Variants in MACROD2 observed in about 807,000 individuals in gnomAD.
The protein encoded by MACROD2 is mono-ADP ribosylhydrolase 2.
MACROD2 carries 36 observed loss-of-function variants against 70.4 expected under a neutral mutation model. The ratio of observed to expected loss-of-function variants is 0.51; its 90% CI spans 0.39 to 0.68. The LOEUF (loss-of-function observed/expected upper bound fraction) is 0.68, where lower values mean the gene tolerates loss of function less well. Among genes scored for constraint, MACROD2 ranks in the 30% least tolerant of loss-of-function variants. MACROD2 has a pLI of 0.00. For missense variants in MACROD2, 496 were observed against 538.4 expected (o/e 0.92, Z 0.78); for synonymous variants, 172 against 178.8 (o/e 0.96, Z 0.30).
At chr20:15,591,553 G>A (rs461651) in intron 8 of MACROD2, among the ~76,000 whole-genome samples, 89,467 of 139,374 alleles carry the variant, frequency 0.64, 28,642 homozygotes, top group Admixed American at 0.77. Flanking sequence ...GCCAACTTAC[G>A]GTTTAACTCC....
chr20:15,705,726 C>T (rs1297427039), intron 8 of MACROD2, among the ~76,000 whole-genome samples: 1 of 152,166 alleles, frequency 6.6e-6, no homozygotes, highest in Non-Finnish European at 1.5e-5. Context: ...TCTTTTACAA[C>T]ATGTAATTTG....
At chr20:14,759,632 GA>G (rs753054659) in intron 5 of MACROD2, among the ~76,000 whole-genome samples, 2 of 151,980 alleles carry the variant, frequency 1.3e-5, no homozygotes, top group Non-Finnish European at 2.9e-5. Context: ...ACAAATTACA[GA>G]AAATATTATT....
At chr20:14,401,235 A>G (rs568476444) in intron 3 of MACROD2, among the ~76,000 whole-genome samples, 3 of 152,256 alleles carry the variant, frequency 2.0e-5, no homozygotes, top group Admixed American at 6.5e-5. Context: ...TGTGTTTGCT[A>G]TTGTGAATAG....
At chr20:16,045,537 G>T (rs1423970011) in intron 17 of MACROD2, among the ~76,000 whole-genome samples, 1 of 152,062 alleles carries the variant, frequency 6.6e-6, no homozygotes, top group Non-Finnish European at 1.5e-5. Context: ...ACAGAGAGGT[G>T]GTTGAGATCA....
chr20:14,131,660 C>T (rs1004906015), intron 3 of MACROD2, among the ~76,000 whole-genome samples: 1 of 152,112 alleles, frequency 6.6e-6, no homozygotes, highest in Non-Finnish European at 1.5e-5. Context: ...AAAATTACTT[C>T]TTAGCATTTG....
chr20:14,612,560 T>C (rs1021316438), intron 4 of MACROD2, among the ~76,000 whole-genome samples: 7 of 152,226 alleles, frequency 4.6e-5, no homozygotes, highest in African/African-American at 1.7e-4. Flanking sequence ...GCATGCAGTA[T>C]AAAAATAAGA....
At chr20:14,524,988 GC>G (rs1350072779) in intron 4 of MACROD2, among the ~76,000 whole-genome samples, 1 of 152,122 alleles carries the variant, frequency 6.6e-6, no homozygotes, top group Non-Finnish European at 1.5e-5. Context: ...GTTAGGAAGA[GC>G]CCCCATTTTC....
At chr20:15,995,027 A>C (rs1028756906) in intron 15 of MACROD2, among the ~76,000 whole-genome samples, 1 of 152,166 alleles carries the variant, frequency 6.6e-6, no homozygotes, top group African/African-American at 2.4e-5. Flanking sequence ...TGGAAACTTG[A>C]TTACAAGTGA....
At chr20:14,281,807 T>A (rs548932600) in intron 3 of MACROD2, among the ~76,000 whole-genome samples, 4 of 151,556 alleles carry the variant, frequency 2.6e-5, no homozygotes, top group African/African-American at 9.7e-5. Context: ...CGGTGATGTG[T>A]GCTTGTAATC....
intron 15 of MACROD2, among the ~76,000 whole-genome samples, chr20:15,998,327 A>T (rs2066660111): frequency 6.6e-6 from 1 of 152,064 alleles, no homozygotes. Flanking sequence ...CTTTATTGGG[A>T]GGTTTTCGAT....
At chr20:15,136,874 C>T (rs1447769903) in intron 5 of MACROD2, among the ~76,000 whole-genome samples, 2 of 146,836 alleles carry the variant, frequency 1.4e-5, no homozygotes, top group African/African-American at 5.0e-5. Context: ...AAGAAAAAAA[C>T]AACCCCATCA....
At chr20:15,128,316 A>G (rs2076081214) in intron 5 of MACROD2, among the ~76,000 whole-genome samples, 1 of 152,100 alleles carries the variant, frequency 6.6e-6, no homozygotes, top group African/African-American at 2.4e-5. Flanking sequence ...GTTTCTTTCT[A>G]TCAGTAGAAA....
At chr20:15,794,753 A>G (rs772190716) in intron 8 of MACROD2, among the ~76,000 whole-genome samples, 16 of 151,512 alleles carry the variant, frequency 1.1e-4, no homozygotes, top group Middle Eastern at 3.2e-3. Flanking sequence ...TTATGGCCTC[A>G]AGTTAAGCAG....
At chr20:14,310,898 A>C (rs6105245) in intron 3 of MACROD2, among the ~76,000 whole-genome samples, 26,271 of 152,160 alleles carry the variant, frequency 0.17, 2,673 homozygotes, top group East Asian at 0.29. Context: ...TTATAGACTA[A>C]AGGTAGGAAG....
chr20:15,135,739 A>AT, intron 5 of MACROD2, among the ~76,000 whole-genome samples: 1 of 112,466 alleles, frequency 8.9e-6, no homozygotes, highest in Admixed American at 9.3e-5. Flanking sequence ...AGAAGGAAAT[A>AT]AAGGGTATTC....
chr20:14,866,740 C>T (rs560194276), intron 5 of MACROD2, among the ~76,000 whole-genome samples: 4 of 152,054 alleles, frequency 2.6e-5, no homozygotes, highest in South Asian at 2.1e-4. Context: ...ATGATATACA[C>T]GTGCAGGAGT....
At chr20:14,417,889 A>G (rs1311403499) in intron 3 of MACROD2, among the ~76,000 whole-genome samples, 1 of 152,202 alleles carries the variant, frequency 6.6e-6, no homozygotes, top group East Asian at 1.9e-4. Context: ...AACAGTTTTT[A>G]AGAAAAATGA....
intron 5 of MACROD2, among the ~76,000 whole-genome samples, chr20:15,023,875 A>G (rs1367269666): frequency 6.6e-6 from 1 of 152,092 alleles, no homozygotes; most frequent in Non-Finnish European, 1.5e-5. Flanking sequence ...ACACATTTTC[A>G]CTGGAGCACA....
intron 5 of MACROD2, among the ~76,000 whole-genome samples, chr20:14,974,471 C>T (rs112616222): frequency 0.012 from 1,833 of 152,152 alleles, 39 homozygotes; most frequent in African/African-American, 0.042. Context: ...GGAGCCATTT[C>T]AGAAGGTTTT....
Sources: gnomAD v4.1 joint callset for allele counts (sites outside exome capture counted in the v4.1 genomes callset) on GRCh38, gnomAD v4.1.1 for gene constraint, MANE v1.5 for transcripts, NCBI Gene and HGNC (gene_info 2026-07-23, HGNC 2026-07-21) for gene names.